TTLL5: variants seen among roughly 807,000 people sequenced by gnomAD.
TTLL5 encodes the protein tubulin polyglutamylase TTLL5.
In TTLL5, 132 loss-of-function variants were observed where a neutral mutation model predicts 168.4. The observed-to-expected ratio is 0.78, with a 90% CI of 0.68 to 0.91. TTLL5 has a LOEUF of 0.91. TTLL5 is among the 40% of genes least tolerant of loss of function. TTLL5 has a pLI of 0.00. For missense variants in TTLL5, 1,545 were observed against 1,581.5 expected, an observed-to-expected ratio of 0.98 and a Z score of 0.39; for synonymous variants, 546 against 558.6, an observed-to-expected ratio of 0.98 and a Z score of 0.32.
chr14:75,690,254 A>G lies in TTLL5; in HGVS notation c.434A>G (p.His145Arg), dbSNP rs776212314. The change falls in exon 6 of 32, where the codon CAT becomes CGT. Residue 145 changes from histidine to arginine, a missense_variant. Coordinates refer to ENST00000298832, the MANE Select transcript of TTLL5 (RefSeq NM_015072.5). The part of the protein sequence containing the change: ...YKNIIRMQHT[H>R]GFKAFHILPQ... ...AACATTATTCGAATGCAGCATACAC[A>G]TGGATTCAAGGCTTTTCACATCCTC... is the stretch of plus-strand genomic sequence containing the variant. 6.8e-6 allele frequency: 11 copies of G among 1,612,490 alleles called. No individual in the cohort carries two copies. The highest frequency in any genetic ancestry group is 1.1e-5 in the South Asian group (1 of 90,732).
In TTLL5 at chr14:75,954,790, G is replaced by A. The variant is rs931796987; in HGVS notation, c.*344G>A. 3.5e-6 allele frequency: 1 copy of A among 283,738 alleles called. No homozygotes were observed. The highest frequency in any genetic ancestry group is 6.6e-6 in the Non-Finnish European group (1 of 151,852). 17.6% of individuals were successfully genotyped at this position (283,738 alleles called of 1,614,324 possible). On this transcript the variant is annotated 3_prime_UTR_variant, in exon 32 of 32. Transcript: ENST00000298832. ...TCTTCTCTGTCCCTTTACTGCTGCTGCACAGAGATGATATAAAAGAGGCTC... is the reference window on the plus strand; with the variant it reads ...TCTTCTCTGTCCCTTTACTGCTGCTACACAGAGATGATATAAAAGAGGCTC...
chr14:75,729,871 TGTCAACTGAGATTCTTGGAA>T (rs1888422321), intron 12 of TTLL5, among the ~76,000 whole-genome samples: 1 of 152,236 alleles, frequency 6.6e-6, no homozygotes, highest in African/African-American at 2.4e-5. Flanking sequence ...GTTCTCAGCC[TGTCAACTGAGATTCTTGGAA>T]TTTGCCTCTG....
intron 27 of TTLL5, among the ~76,000 whole-genome samples, chr14:75,813,260 GTGTGTGTGTT>G (rs1214481677): frequency 6.0e-5 from 7 of 115,890 alleles, no homozygotes; most frequent in Non-Finnish European, 1.3e-4. Flanking sequence ...TCCAGGCACT[GTGTGTGTGTT>G]TGTGTGTGTG....
chr14:75,926,702 A>G (rs1465627354), intron 31 of TTLL5, among the ~76,000 whole-genome samples: 3 of 152,166 alleles, frequency 2.0e-5, no homozygotes, highest in East Asian at 1.9e-4. Flanking sequence ...ATCCTTATAC[A>G]CTGCTGGTGG....
At chr14:75,788,306 A>G (rs1477304811) in intron 26 of TTLL5, among the ~76,000 whole-genome samples, 1 of 152,126 alleles carries the variant, frequency 6.6e-6, no homozygotes, top group East Asian at 1.9e-4. Flanking sequence ...AAAATAAGGC[A>G]CAGTAGAGGG....
chr14:75,662,000 A>G (rs1890762870), intron 1 of TTLL5, among the ~76,000 whole-genome samples: 1 of 152,094 alleles, frequency 6.6e-6, no homozygotes, highest in Non-Finnish European at 1.5e-5. Context: ...TTTTATTTGT[A>G]GTTCCTATTT....
intron 28 of TTLL5, among the ~76,000 whole-genome samples, chr14:75,858,113 G>T (rs757124085): frequency 1.2e-4 from 18 of 152,172 alleles, no homozygotes; most frequent in Non-Finnish European, 2.4e-4. Context: ...GCTGCGGAGA[G>T]GTTGGGAGGA....
At chr14:75,872,585 G>A (rs1006966756) in intron 29 of TTLL5, among the ~76,000 whole-genome samples, 3 of 152,058 alleles carry the variant, frequency 2.0e-5, no homozygotes, top group Non-Finnish European at 2.9e-5. Context: ...ATAACATAAA[G>A]CACTTAAAGC....
intron 31 of TTLL5, among the ~76,000 whole-genome samples, chr14:75,944,318 G>C (rs1214768071): frequency 1.3e-5 from 2 of 152,134 alleles, no homozygotes; most frequent in African/African-American, 2.4e-5. Flanking sequence ...TCCTCAGTGA[G>C]GGACACCATC....
At chr14:75,769,016 A>G (rs1157363991) in intron 20 of TTLL5, among the ~76,000 whole-genome samples, 2 of 152,182 alleles carry the variant, frequency 1.3e-5, no homozygotes, top group East Asian at 3.8e-4. Flanking sequence ...TGTTTTTTCA[A>G]ACTTCTTCCT....
chr14:75,667,128 A>G (rs1883319982), intron 2 of TTLL5, among the ~76,000 whole-genome samples: 2 of 152,112 alleles, frequency 1.3e-5, no homozygotes. Context: ...TGGGTTGGAA[A>G]TGAAAAGATT....
At chr14:75,663,257 T>G (rs1014216924) in intron 2 of TTLL5, 34 bp downstream of exon 2, 1 of 1,578,674 alleles carries the variant, frequency 6.3e-7, no homozygotes, top group African/African-American at 1.3e-5. Flanking sequence ...CAACCTGTGC[T>G]TTGTACTCTT....
In TTLL5 at chr14:75,663,317, C is replaced by G. The variant is rs952491161; in HGVS notation, c.74+94C>G. The G allele has an allele frequency of 3.4e-6, 4 of 1,186,620 alleles. No homozygotes were observed. The Admixed American group carries it at 8.6e-5, about 26-fold the overall frequency. 73.5% of individuals were successfully genotyped at this position (1,186,620 alleles called of 1,614,324 possible). On this transcript the variant is annotated intron_variant, in intron 2 of 31. Transcript: ENST00000298832. ...TTTTACTATATACTCTTCTCTTTTA[C>G]TTATGTACTCTTTTATCTAGTGTCA...
chr14:75,945,156 A>G (rs1029843502), intron 31 of TTLL5, among the ~76,000 whole-genome samples: 1 of 151,022 alleles, frequency 6.6e-6, no homozygotes, highest in Non-Finnish European at 1.5e-5. Context: ...TTCCAAGTGT[A>G]CTTTCCTTCC....
intron 7 of TTLL5, among the ~76,000 whole-genome samples, chr14:75,703,011 G>C (rs766328066): frequency 2.0e-5 from 3 of 152,142 alleles, no homozygotes; most frequent in African/African-American, 4.8e-5. Context: ...TACACAAAAG[G>C]CATAACCATC....
At chr14:75,925,338 G>GAT (rs2034000942) in intron 31 of TTLL5, among the ~76,000 whole-genome samples, 1 of 150,942 alleles carries the variant, frequency 6.6e-6, no homozygotes, top group African/African-American at 2.5e-5. Flanking sequence ...CTTCTCAGAT[G>GAT]GGGCGGCCTG....
In TTLL5 at chr14:75,675,655, G is replaced by T. The variant is rs536241723; in HGVS notation, c.182-5890G>T. 7.6e-4 allele frequency among the ~76,000 whole-genome samples: 115 copies of T among 152,312 alleles called. 1 individual carries two copies. Among genetic ancestry groups the T allele is most frequent in the Non-Finnish European group, 1.5e-3 (101 of 68,030 alleles). On this transcript the variant is annotated intron_variant, in intron 3 of 31. Transcript: ENST00000298832. ...TATACAGAAGAAAACATGGGATGAG[G>T]TGGTTCTTTCTTAGGCAGTTGGGCA... is the stretch of plus-strand genomic sequence containing the variant.
chr14:75,803,440 T>C (rs1450811775), intron 27 of TTLL5, among the ~76,000 whole-genome samples: 1 of 152,210 alleles, frequency 6.6e-6, no homozygotes, highest in Non-Finnish European at 1.5e-5. Context: ...CATAAAAATA[T>C]CAAACTTTCC....
chr14:75,759,680 A>G (rs1266419636), intron 18 of TTLL5, among the ~76,000 whole-genome samples: 2 of 152,110 alleles, frequency 1.3e-5, no homozygotes, highest in African/African-American at 4.8e-5. Context: ...GATAATACAT[A>G]TGACTGAGAT....
Sources: gnomAD v4.1 joint callset for allele counts (sites outside exome capture counted in the v4.1 genomes callset) on GRCh38, gnomAD v4.1.1 for gene constraint, MANE v1.5 for transcripts, NCBI Gene and HGNC (gene_info 2026-07-23, HGNC 2026-07-21) for gene names.